Variants in LRRC27 observed in about 807,000 individuals in gnomAD.
LRRC27 encodes the protein leucine rich repeat containing 27.
In LRRC27, 57 loss-of-function variants were observed where a neutral mutation model predicts 55.0. The observed-to-expected ratio is 1.04, with a 90% CI of 0.84 to 1.29. The LOEUF (loss-of-function observed/expected upper bound fraction) is 1.29, where lower values mean the gene tolerates loss of function less well. Among genes scored for constraint, LRRC27 ranks in the 50% most tolerant of loss-of-function variants. The probability of loss-of-function intolerance (pLI) is 0.00; values close to 1 mark genes in which losing one functional copy is unlikely to be tolerated. For synonymous variants in LRRC27, 278 were observed against 251.9 expected, an observed-to-expected ratio of 1.10 and a Z score of -0.98; for missense variants, 721 against 651.5, an observed-to-expected ratio of 1.11 and a Z score of -1.16.
At position 132,333,725 on chromosome 10, in the gene LRRC27, C is replaced by T. The variant is rs1170774015; in HGVS notation, c.201C>T (p.Pro67=). The T allele has an allele frequency of 6.2e-7, 1 of 1,612,866 alleles. No individual in the cohort carries two copies. The highest frequency in any genetic ancestry group is 2.2e-5 in the East Asian group (1 of 44,890). ...LCRLEEVFRI[P]SLQQLHLQRN... ...GTTTGGAGGAGGTCTTTAGAATCCC[C>T]AGCCTTCAAGTAAGTGGGGCTGCTC... Residue 67 remains proline, a synonymous_variant, in exon 2 of 11, where the codon CCC becomes CCT. Transcript: ENST00000368614.
chr10:132,337,324 G>T lies in LRRC27; in HGVS notation c.211-241G>T, dbSNP rs113190791. The T allele has an allele frequency of 7.1e-3, 9,393 of 1,314,330 alleles. 52 individuals are homozygous for T. Among genetic ancestry groups the T allele is most frequent in the Non-Finnish European group, 8.3e-3 (8,630 of 1,033,820 alleles). 81.4% of individuals were successfully genotyped at this position (1,314,330 alleles called of 1,614,324 possible). On this transcript the variant is annotated intron_variant, in intron 2 of 10. Coordinates refer to ENST00000368614, the MANE Select transcript of LRRC27 (RefSeq NM_030626.3). The stretch of plus-strand genomic sequence containing the variant: ...TGTGCTGGGTCAGCAGCAGAGTGCC[G>T]GCTCTTCAGGAAGTCAGTTCCGGCT...
In LRRC27 at chr10:132,332,247, GACGCGGCAGGTGAGACGGGGCGGGT is replaced by G. The variant is rs1402749170; in HGVS notation, c.-54_-49+19del. On this transcript the variant is annotated splice_donor_variant and splice_donor_5th_base_variant and 5_prime_UTR_variant and intron_variant, in exon 1 of 11. Transcript: ENST00000368614. LOFTEE classifies it low-confidence loss of function (5UTR_SPLICE). ...GCTCGCCAGCGCTTCAGTGGGCGGG[GACGCGGCAGGTGAGACGGGGCGGGT>G]ACGGCCAGCTCGCTGAGCCCTCGAG... is the stretch of plus-strand genomic sequence containing the variant. 1.3e-5 allele frequency: 2 copies of G among 153,792 alleles called. No homozygotes were observed. Among genetic ancestry groups the G allele is most frequent in the Non-Finnish European group, 2.9e-5 (2 of 69,154 alleles). 9.5% of individuals were successfully genotyped at this position (153,792 alleles called of 1,614,324 possible).
chr10:132,370,465 A>T (rs927340684), intron 10 of LRRC27, among the ~76,000 whole-genome samples: 1 of 152,206 alleles, frequency 6.6e-6, no homozygotes, highest in East Asian at 1.9e-4. Flanking sequence ...AGCCAGAGGA[A>T]GGGGTTTTAA....
chr10:132,335,727 G>A (rs1425297711), intron 2 of LRRC27, among the ~76,000 whole-genome samples: 1 of 152,212 alleles, frequency 6.6e-6, no homozygotes. Flanking sequence ...AGGGGCTGTA[G>A]GTATTTTCTT....
At chr10:132,373,463 C>T (rs562184008) in intron 10 of LRRC27, among the ~76,000 whole-genome samples, 6 of 152,150 alleles carry the variant, frequency 3.9e-5, no homozygotes, top group South Asian at 4.1e-4. Context: ...CCAGGGAGGG[C>T]GGGGGGAGAG....
chr10:132,362,520 G>A (rs1178708817), intron 9 of LRRC27, among the ~76,000 whole-genome samples: 1 of 152,196 alleles, frequency 6.6e-6, no homozygotes, highest in Non-Finnish European at 1.5e-5. Context: ...GGAAGCTGGA[G>A]GCTGGTCCCT....
At chr10:132,336,485 A>G (rs908456040) in intron 2 of LRRC27, among the ~76,000 whole-genome samples, 2 of 152,190 alleles carry the variant, frequency 1.3e-5, no homozygotes, top group African/African-American at 4.8e-5. Flanking sequence ...GTGTTTCTCC[A>G]GTTGGAATCT....
chr10:132,331,983 A>T, upstream of LRRC27: 1 of 435,080 alleles, frequency 2.3e-6, no homozygotes, highest in East Asian at 4.1e-5. Context: ...CCTCCCGGGC[A>T]GGCGCACCAC....
At chr10:132,343,585 G>A (rs890169773) in intron 4 of LRRC27, among the ~76,000 whole-genome samples, 1 of 152,218 alleles carries the variant, frequency 6.6e-6, no homozygotes, top group Admixed American at 6.5e-5. Context: ...ATTTAGATAG[G>A]TAGCTTCTAG....
At chr10:132,353,494 CAG>C in intron 7 of LRRC27, 1 of 832,262 alleles carries the variant, frequency 1.2e-6, no homozygotes, top group Non-Finnish European at 1.5e-6. Flanking sequence ...ACCCAATGTC[CAG>C]AGAGACATTG....
At position 132,363,770 on chromosome 10, in the gene LRRC27, G is replaced by T. The variant is rs558870031; in HGVS notation, c.1290-1654G>T. On this transcript the variant is annotated intron_variant, in intron 9 of 10. Transcript: ENST00000368614. ...CAGGGGGCTCCCCACTCAGTTTAAC[G>T]TACCCTGGATCCCGGCTGCGATGTA... Among the ~76,000 whole-genome samples, 18 of 152,302 alleles carry T rather than the reference G, an allele frequency of 1.2e-4. No homozygotes were observed. In the East Asian group the frequency reaches 2.9e-3, roughly 25 times the overall value.
chr10:132,339,550 G>T (rs899234094), intron 3 of LRRC27, among the ~76,000 whole-genome samples: 1 of 152,146 alleles, frequency 6.6e-6, no homozygotes, highest in East Asian at 1.9e-4. Flanking sequence ...TGCCGAGCCC[G>T]GCCAGCCGCT....
Position 132,349,167 on chromosome 10 carries a change from C to T in LRRC27, c.926+811C>T. ...AAAATAACAATTGGTGAATCTAGATCATGCATTCTCAAGGGGCACATTGTC... is the reference window on the plus strand; with the variant it reads ...AAAATAACAATTGGTGAATCTAGATTATGCATTCTCAAGGGGCACATTGTC... On this transcript the variant is annotated intron_variant, in intron 6 of 10. Transcript: ENST00000368614. 5 of 786,732 alleles carry T rather than the reference C, an allele frequency of 6.4e-6. No individual in the cohort carries two copies. The South Asian group carries it at 6.5e-5, about 10-fold the overall frequency. The allele number at this position is 786,732 out of a possible 1,614,324, so 48.7% of individuals were successfully genotyped here. A position where few individuals can be genotyped will look rare whatever the true frequency, so the allele number is the denominator to read the frequency against.
At chr10:132,362,930 G>T (rs2068708007) in intron 9 of LRRC27, among the ~76,000 whole-genome samples, 1 of 102,978 alleles carries the variant, frequency 9.7e-6, no homozygotes. Flanking sequence ...GGAGTATGGG[G>T]TTCACCCTTC....
chr10:132,347,352 G>A (rs954089405), intron 5 of LRRC27, among the ~76,000 whole-genome samples: 1 of 149,778 alleles, frequency 6.7e-6, no homozygotes, highest in African/African-American at 2.5e-5. Context: ...GTCCGGTGGG[G>A]CCCGTGTGGG....
At chr10:132,362,635 G>A (rs1261093024) in intron 9 of LRRC27, among the ~76,000 whole-genome samples, 1 of 142,182 alleles carries the variant, frequency 7.0e-6, no homozygotes, top group African/African-American at 2.7e-5. Context: ...CCTCACAGCA[G>A]CTCGGGGGTC....
At chr10:132,362,063 C>T (rs1191023456) in intron 9 of LRRC27, among the ~76,000 whole-genome samples, 2 of 152,176 alleles carry the variant, frequency 1.3e-5, no homozygotes, top group East Asian at 1.9e-4. Flanking sequence ...GGTGAGGCAG[C>T]GAGGCCAGGC....
intron 1 of LRRC27, 92 bp from the exon 2 acceptor site, chr10:132,333,385 C>A (rs996026043): frequency 3.2e-5 from 15 of 470,072 alleles, no homozygotes; most frequent in South Asian, 7.2e-5. Flanking sequence ...GCTTTTAAAG[C>A]AAGTTACATT....
intron 3 of LRRC27, among the ~76,000 whole-genome samples, chr10:132,340,849 C>T (rs2067377802): frequency 6.7e-6 from 1 of 148,774 alleles, no homozygotes; most frequent in South Asian, 2.1e-4. Flanking sequence ...CCACTGCACT[C>T]CAGCCTGAGC....
Sources: allele counts gnomAD v4.1 joint callset (sites outside exome capture counted in the v4.1 genomes callset), GRCh38; gene constraint gnomAD v4.1.1; transcripts MANE v1.5; gene names NCBI Gene and HGNC (gene_info 2026-07-23, HGNC 2026-07-21).